KDM6A: variants seen among roughly 807,000 people sequenced by gnomAD.
KDM6A encodes lysine demethylase 6A, also known as lysine-specific demethylase 6A.
Under a neutral mutation model 117.6 loss-of-function variants are expected in KDM6A, and 11 were observed. The observed-to-expected ratio is 0.09, with a 90% CI of 0.06 to 0.15. KDM6A has a LOEUF of 0.15. KDM6A is among the 10% of genes least tolerant of loss of function. The pLI is 1.00. For synonymous variants in KDM6A, 384 were observed against 396.1 expected (o/e 0.97, Z 0.36); for missense variants, 799 against 1,077.3 (o/e 0.74, Z 3.62).
At chrX:44,947,116 T>G (rs2037687894) in intron 2 of KDM6A, among the ~76,000 whole-genome samples, 1 of 111,927 alleles carries the variant, frequency 8.9e-6, no homozygotes, top group African/African-American at 3.3e-5. Flanking sequence ...TAAATAAATA[T>G]TCATTTAAAT....
intron 4 of KDM6A, among the ~76,000 whole-genome samples, chrX:44,998,620 T>C (rs1288289922): frequency 1.8e-5 from 2 of 111,607 alleles, no homozygotes; most frequent in East Asian, 5.6e-4. Context: ...TTCCCAGATC[T>C]GGTAGACAAA....
chrX:44,885,811 A>T (rs1326751192), intron 2 of KDM6A, among the ~76,000 whole-genome samples: 1 of 109,590 alleles, frequency 9.1e-6, no homozygotes, highest in African/African-American at 3.3e-5. Context: ...GCAGAGTTGC[A>T]GTGAGCTGAG....
chrX:44,922,028 C>CTTTTTT (rs2035981734), intron 2 of KDM6A, among the ~76,000 whole-genome samples: 1 of 41,645 alleles, frequency 2.4e-5, no homozygotes, highest in Non-Finnish European at 4.1e-5. Context: ...TTGTGTGTGC[C>CTTTTTT]TTTTTTTTTT....
At chrX:45,062,770 C>G (rs1032176929) in intron 16 of KDM6A, 22 bp downstream of exon 16, 3 of 1,023,654 alleles carry the variant, frequency 2.9e-6, no homozygotes, top group South Asian at 1.9e-5. Context: ...ATATTTTTCC[C>G]TGAAATTTGT....
At chrX:44,974,829 C>T in intron 4 of KDM6A, 114 bp downstream of exon 4, 1 of 565,895 alleles carries the variant, frequency 1.8e-6, no homozygotes, top group Non-Finnish European at 3.1e-6. Flanking sequence ...TAAAATATTG[C>T]TTCTAGGGGA....
chrX:45,063,165 A>ATTTTAGTAATGTCATT (rs1491173390), intron 16 of KDM6A, among the ~76,000 whole-genome samples: 1 of 109,906 alleles, frequency 9.1e-6, no homozygotes, highest in East Asian at 2.8e-4. Flanking sequence ...TCCTTTTGTC[A>ATTTTAGTAATGTCATT]TTACTAATGG....
chrX:44,973,649 T>A (rs1298970917), intron 3 of KDM6A, among the ~76,000 whole-genome samples: 2 of 111,373 alleles, frequency 1.8e-5, no homozygotes, highest in African/African-American at 6.5e-5. Context: ...CTGGGAATAT[T>A]TTTGGAATTA....
Position 45,059,472 on chromosome X carries a change from A to G in KDM6A, c.1194+6A>G, listed in dbSNP as rs368488468. 1.0e-5 allele frequency: 12 copies of G among 1,163,351 alleles called. No homozygotes were observed. The highest frequency in any genetic ancestry group is 1.4e-5 in the Non-Finnish European group (12 of 855,152). On this transcript the variant is annotated splice_donor_region_variant and intron_variant, in intron 12 of 29. Transcript: ENST00000611820. ...CACGAATTAAGTATTTACAGGTAAAATTTTTAAATGGCAGTTTTTTAAAGC... is the reference window on the plus strand; with the variant it reads ...CACGAATTAAGTATTTACAGGTAAAGTTTTTAAATGGCAGTTTTTTAAAGC...
intron 17 of KDM6A, among the ~76,000 whole-genome samples, chrX:45,067,653 G>GT (rs1192862756): frequency 0.021 from 1,738 of 83,166 alleles, 29 homozygotes; most frequent in Non-Finnish European, 0.031. Flanking sequence ...TCTTTTTTTT[G>GT]TTTTTTTTTT....
At chrX:45,050,267 G>A (rs28538256) in intron 8 of KDM6A, among the ~76,000 whole-genome samples, 11,380 of 112,359 alleles carry the variant, frequency 0.1, 574 homozygotes, top group East Asian at 0.38. Flanking sequence ...TTGAACCCGG[G>A]AGGCGGAGGT....
At chrX:44,919,019 A>C (rs1200064577) in intron 2 of KDM6A, among the ~76,000 whole-genome samples, 2 of 111,640 alleles carry the variant, frequency 1.8e-5, no homozygotes, top group Non-Finnish European at 3.8e-5. Flanking sequence ...GGGAGGGAGG[A>C]TTGAAGTTTT....
At chrX:44,989,877 C>A (rs2040477173) in intron 4 of KDM6A, among the ~76,000 whole-genome samples, 1 of 111,196 alleles carries the variant, frequency 9.0e-6, no homozygotes, top group African/African-American at 3.3e-5. Flanking sequence ...TCTTACAGGG[C>A]AAAATAGTAA....
intron 3 of KDM6A, among the ~76,000 whole-genome samples, chrX:44,962,412 G>A: frequency 8.9e-6 from 1 of 111,863 alleles, no homozygotes; most frequent in African/African-American, 3.2e-5. Context: ...CTGTAAAAGG[G>A]GAGGAGGTGA....
intron 8 of KDM6A, among the ~76,000 whole-genome samples, chrX:45,049,901 G>A (rs1476942849): frequency 1.8e-5 from 2 of 112,780 alleles, no homozygotes; most frequent in African/African-American, 6.4e-5. Context: ...TTCCTGTTAT[G>A]TATTAGGTGT....
intron 8 of KDM6A, among the ~76,000 whole-genome samples, chrX:45,038,595 G>A (rs186672180): frequency 9.4e-6 from 1 of 106,034 alleles, no homozygotes; most frequent in Non-Finnish European, 1.9e-5. Flanking sequence ...AACACATTTG[G>A]GGGGGGGTGG....
intron 5 of KDM6A, among the ~76,000 whole-genome samples, chrX:45,012,637 C>A (rs1037797822): frequency 2.7e-5 from 3 of 111,451 alleles, no homozygotes; most frequent in African/African-American, 9.8e-5. Flanking sequence ...CTGTCATATA[C>A]CTATTGGGCA....
Position 44,873,605 on chromosome X carries a change from C to A in KDM6A, c.54C>A (p.Phe18Leu), listed in dbSNP as rs2031069174. ...CCGCCGCCGCTGCCGCCGCCGCTTT[C>A]GGTGATGAGGAAAAGAAAATGGCGG... The part of the protein sequence containing the change: ...LATAAAAAAA[F>L]GDEEKKMAAG... Residue 18 changes from phenylalanine to leucine, a missense_variant, in exon 1 of 30, where the codon TTC (phenylalanine) becomes TTA (leucine). Physicochemically the swap from Phe to Leu is conservative, Grantham distance 22. Around this residue, in one of 8 missense-constraint regions of KDM6A, gnomAD observed 89 missense variants for 117.8 expected, o/e 0.76. Coordinates refer to ENST00000611820, the MANE Select transcript of KDM6A (RefSeq NM_001291415.2). 3 of 1,204,703 alleles carry A rather than the reference C, an allele frequency of 2.5e-6. No individual in the cohort carries two copies. The highest frequency in any genetic ancestry group is 3.4e-6 in the Non-Finnish European group (3 of 892,700).
intron 27 of KDM6A, among the ~76,000 whole-genome samples, chrX:45,093,403 A>AAC (rs1237638495): frequency 3.7e-5 from 4 of 107,940 alleles, no homozygotes; most frequent in African/African-American, 1.4e-4. Flanking sequence ...CAAACAAACA[A>AAC]AAAAAAAACG....
chrX:44,914,775 A>G (rs1356229590), intron 2 of KDM6A, among the ~76,000 whole-genome samples: 2 of 110,440 alleles, frequency 1.8e-5, no homozygotes, highest in Non-Finnish European at 3.8e-5. Flanking sequence ...TACATCTAGT[A>G]TACTTTCTTG....
Sources: allele counts gnomAD v4.1 joint callset (sites outside exome capture counted in the v4.1 genomes callset), GRCh38; gene constraint gnomAD v4.1.1; regional missense constraint gnomAD v4.1.1; transcripts MANE v1.5; gene names NCBI Gene and HGNC (gene_info 2026-07-23, HGNC 2026-07-21).